The following ZDHHC14 variants were observed in gnomAD, a reference collection of about 807,000 sequenced individuals.
ZDHHC14 encodes the protein zDHHC palmitoyltransferase 14.
ZDHHC14 carries 16 observed loss-of-function variants against 47.7 expected under a neutral mutation model. The observed-to-expected ratio is 0.34, with a 90% confidence interval of 0.23 to 0.51. The LOEUF (loss-of-function observed/expected upper bound fraction) is 0.51. Ranked by LOEUF, ZDHHC14 falls within the 20% of genes least tolerant of loss-of-function variation. The probability of loss-of-function intolerance (pLI) is 0.97; values close to 1 mark genes in which losing one functional copy is unlikely to be tolerated. For missense variants in ZDHHC14, 515 were observed against 662.5 expected, an observed-to-expected ratio of 0.78 and a Z score of 2.44; for synonymous variants, 293 against 278.9, an observed-to-expected ratio of 1.05 and a Z score of -0.50.
intron 5 of ZDHHC14, among the ~76,000 whole-genome samples, chr6:157,642,066 A>ATAGATAGATAGTTAGT (rs552956844): frequency 2.0e-5 from 3 of 147,712 alleles, no homozygotes; most frequent in Admixed American, 6.7e-5. Context: ...AGATAGATAG[A>ATAGATAGATAGTTAGT]TAGTTATCAT....
chr6:157,650,458 G>A (rs1246871858), intron 7 of ZDHHC14, among the ~76,000 whole-genome samples: 1 of 152,042 alleles, frequency 6.6e-6, no homozygotes, highest in Non-Finnish European at 1.5e-5. Context: ...TCATTGGGCC[G>A]TGTCCAGAGC....
chr6:157,408,554 G>C (rs148670839), intron 1 of ZDHHC14, among the ~76,000 whole-genome samples: 4 of 152,100 alleles, frequency 2.6e-5, no homozygotes, highest in Non-Finnish European at 5.9e-5. Flanking sequence ...TGTGGTGTTC[G>C]GTTCTCTGTT....
At chr6:157,553,206 T>G (rs931436469) in intron 2 of ZDHHC14, among the ~76,000 whole-genome samples, 5 of 152,100 alleles carry the variant, frequency 3.3e-5, no homozygotes, top group African/African-American at 1.2e-4. Context: ...TGGTCAGAGA[T>G]TCCCTGGGGG....
chr6:157,565,251 A>G (rs1327251778), intron 2 of ZDHHC14, among the ~76,000 whole-genome samples: 2 of 152,178 alleles, frequency 1.3e-5, no homozygotes, highest in African/African-American at 4.8e-5. Flanking sequence ...ATCTCCAAAA[A>G]AAAGAGTATT....
rs1286923128 is a variant in ZDHHC14, at chr6:157,390,989, T to A, written c.245+8723T>A. Among the ~76,000 whole-genome samples, 3 of 152,210 alleles carry A rather than the reference T, an allele frequency of 2.0e-5. No homozygotes were observed. The East Asian group carries it at 5.8e-4, about 29-fold the overall frequency. On this transcript the variant is annotated intron_variant, in intron 1 of 8. Coordinates refer to ENST00000359775, the MANE Select transcript of ZDHHC14 (RefSeq NM_024630.3). ...ATTATAAAGTCTATAGTAATTTAAA[T>A]TCTTTTTTCAGGCCACTAGTGTGTG...
At chr6:157,627,024 C>T (rs1785459946) in intron 3 of ZDHHC14, among the ~76,000 whole-genome samples, 1 of 152,122 alleles carries the variant, frequency 6.6e-6, no homozygotes, top group South Asian at 2.1e-4. Context: ...GCTCTGAAAT[C>T]TCTCCTCAAG....
chr6:157,581,246 A>T (rs1246440150), intron 2 of ZDHHC14, among the ~76,000 whole-genome samples: 1 of 150,008 alleles, frequency 6.7e-6, no homozygotes, highest in African/African-American at 2.5e-5. Flanking sequence ...CAATTTTTTT[A>T]GTATGGATTT....
intron 1 of ZDHHC14, among the ~76,000 whole-genome samples, chr6:157,416,955 G>A (rs1165919604): frequency 3.9e-5 from 5 of 126,686 alleles, no homozygotes; most frequent in African/African-American, 9.1e-5. Flanking sequence ...ACAGGTGCCC[G>A]CCACCATGCC....
intron 1 of ZDHHC14, among the ~76,000 whole-genome samples, chr6:157,406,011 T>G (rs1777752260): frequency 6.6e-6 from 1 of 152,226 alleles, no homozygotes; most frequent in Admixed American, 6.5e-5. Flanking sequence ...AATAGGATAA[T>G]GCCACCCTTG....
chr6:157,436,858 T>G (rs1778449429), intron 1 of ZDHHC14, among the ~76,000 whole-genome samples: 1 of 151,490 alleles, frequency 6.6e-6, no homozygotes. Context: ...TGGAGGGAGG[T>G]CGAGGCAGGG....
chr6:157,664,787 C>G (rs564221141), intron 8 of ZDHHC14, among the ~76,000 whole-genome samples: 2 of 152,106 alleles, frequency 1.3e-5, no homozygotes, highest in Non-Finnish European at 2.9e-5. Context: ...TCAGCCACAT[C>G]TCAGCTGCTA....
In ZDHHC14 at chr6:157,578,338, G is replaced by A. The variant is rs575259379; in HGVS notation, c.407-14650G>A. 5.9e-5 allele frequency among the ~76,000 whole-genome samples: 9 copies of A among 152,268 alleles called. No individual in the cohort carries two copies. In the South Asian group the frequency reaches 1.9e-3, roughly 32 times the overall value. ...TTATAGTTTTAGGTTTTACATTTAA[G>A]TCTTTAATCCATCTTAAGTTGATTT... On this transcript the variant is annotated intron_variant, in intron 2 of 8. Coordinates refer to ENST00000359775, the MANE Select transcript of ZDHHC14 (RefSeq NM_024630.3).
intron 1 of ZDHHC14, among the ~76,000 whole-genome samples, chr6:157,513,812 C>A (rs914667070): frequency 1.6e-4 from 24 of 152,138 alleles, no homozygotes; most frequent in African/African-American, 5.1e-4. Context: ...AGAAGCCAGG[C>A]CTTCCGGACT....
intron 1 of ZDHHC14, among the ~76,000 whole-genome samples, chr6:157,494,004 G>A (rs981329694): frequency 6.6e-6 from 1 of 152,308 alleles, no homozygotes; most frequent in South Asian, 2.1e-4. Flanking sequence ...GGCTTTATGT[G>A]GCTTGGGGTA....
intron 1 of ZDHHC14, among the ~76,000 whole-genome samples, chr6:157,388,786 AATACT>A (rs1416021932): frequency 6.6e-6 from 1 of 152,220 alleles, no homozygotes; most frequent in Non-Finnish European, 1.5e-5. Flanking sequence ...TTTGAAGTAA[AATACT>A]ATAAAAAGCA....
chr6:157,487,665 G>A (rs1428304606), intron 1 of ZDHHC14, among the ~76,000 whole-genome samples: 1 of 152,212 alleles, frequency 6.6e-6, no homozygotes, highest in Non-Finnish European at 1.5e-5. Flanking sequence ...CCTTCCAGCA[G>A]CACAAGGATT....
rs183759820 is a variant in ZDHHC14 at position 157,608,435 on chromosome 6, T to C, written c.565+15289T>C. Among the ~76,000 whole-genome samples the C allele has an allele frequency of 2.8e-3, 429 of 151,512 alleles. 2 individuals are homozygous for C. Among genetic ancestry groups the C allele is most frequent in the South Asian group, 6.7e-3 (32 of 4,806 alleles). ...ACACAACGGCAAAGTCCAGCTCACATGGGAGCATACGGGAAAGATGCCCAA... is the reference window on the plus strand; with the variant it reads ...ACACAACGGCAAAGTCCAGCTCACACGGGAGCATACGGGAAAGATGCCCAA... On this transcript the variant is annotated intron_variant, in intron 3 of 8. Transcript: ENST00000359775.
intron 2 of ZDHHC14, among the ~76,000 whole-genome samples, chr6:157,570,685 G>A (rs140738008): frequency 3.3e-3 from 500 of 151,928 alleles, no homozygotes; most frequent in African/African-American, 0.011. Flanking sequence ...TAAAAAGGTC[G>A]CAGCTACTAA....
At chr6:157,503,756 A>G (rs1031196615) in intron 1 of ZDHHC14, among the ~76,000 whole-genome samples, 1 of 152,214 alleles carries the variant, frequency 6.6e-6, no homozygotes, top group African/African-American at 2.4e-5. Flanking sequence ...AATGTAAATT[A>G]GGATCACAGT....
Sources: gnomAD v4.1 joint callset for allele counts (sites outside exome capture counted in the v4.1 genomes callset) on GRCh38, gnomAD v4.1.1 for gene constraint, MANE v1.5 for transcripts, NCBI Gene and HGNC (gene_info 2026-07-23, HGNC 2026-07-21) for gene names.